Variants in TYMS observed in about 807,000 individuals in gnomAD.
TYMS encodes the protein thymidylate synthetase, also known as thymidylate synthase.
Under a neutral mutation model 39.3 loss-of-function variants are expected in TYMS, and 21 were observed. The ratio of observed to expected loss-of-function variants is 0.54; its 90% CI spans 0.38 to 0.77. The LOEUF is 0.77. Among genes scored for constraint, TYMS ranks in the 30% least tolerant of loss-of-function variants. TYMS has a pLI of 0.00. For missense variants in TYMS, 273 were observed against 406.7 expected (o/e 0.67, Z 2.83); for synonymous variants, 171 against 162.2 (o/e 1.05, Z -0.41).
chr18:658,436 T>A lies in TYMS; in HGVS notation c.205+489T>A. 1 of 902,290 alleles carries A rather than the reference T, an allele frequency of 1.1e-6. No homozygotes were observed. The allele number at this position is 902,290 out of a possible 1,614,324, so 55.9% of individuals were successfully genotyped here. A position where few individuals can be genotyped will look rare whatever the true frequency, so the allele number is the denominator to read the frequency against. Reference sequence around the variant, plus strand: ...AAAGGCGGCGGGAAGAGGAGAGCACTGAAGCTGGCGCGGGAACTTGGTTTC... The same window carrying A: ...AAAGGCGGCGGGAAGAGGAGAGCACAGAAGCTGGCGCGGGAACTTGGTTTC... On this transcript the variant is annotated intron_variant, in intron 1 of 6. Coordinates refer to ENST00000323274, the MANE Select transcript of TYMS (RefSeq NM_001071.4). This position sits in a 1 kb window ranked among gnomAD's most constrained non-coding sequence, Gnocchi z 4.5.
Position 672,852 on chromosome 18 carries a change from G to A in TYMS, c.805-8G>A. 1 of 1,555,206 alleles carries A rather than the reference G, an allele frequency of 6.4e-7. No individual in the cohort carries two copies. The highest frequency in any genetic ancestry group is 1.4e-5 in the African/African-American group (1 of 73,966). On this transcript the variant is annotated splice_region_variant and splice_polypyrimidine_tract_variant and intron_variant, in intron 6 of 6. Transcript: ENST00000323274. ...TATGGCAAAATAATGGCCTTATTTT[G>A]TTTTTAGCTTCAGCGAGAACCCAGA...
At chr18:667,937 T>C (rs1359481275) in intron 3 of TYMS, among the ~76,000 whole-genome samples, 5 of 151,762 alleles carry the variant, frequency 3.3e-5, no homozygotes, top group South Asian at 2.1e-4. Flanking sequence ...TGTTGGATTT[T>C]AGTAGGAAAG....
chr18:658,354 G>T lies in TYMS; in HGVS notation c.205+407G>T, dbSNP rs1321157756. ...GGCCCCTCCTCCGTTTTCCCCTGTG[G>T]ACCATTCCGCTTCGCAGCGTTTTCA... On this transcript the variant is annotated intron_variant, in intron 1 of 6. Coordinates refer to ENST00000323274, the MANE Select transcript of TYMS (RefSeq NM_001071.4). The surrounding 1 kb of genome is among the most constrained non-coding windows in gnomAD (Gnocchi z 4.5). 16 of 1,310,452 alleles carry T rather than the reference G, an allele frequency of 1.2e-5. No individual in the cohort carries two copies. Among genetic ancestry groups the T allele is most frequent in the Non-Finnish European group, 1.5e-5 (15 of 1,002,616 alleles). 81.2% of individuals were successfully genotyped at this position (1,310,452 alleles called of 1,614,324 possible). A position where few individuals can be genotyped will look rare whatever the true frequency, so the allele number is the denominator to read the frequency against.
chr18:665,074 A>C (rs995658190), intron 3 of TYMS, among the ~76,000 whole-genome samples: 2 of 152,008 alleles, frequency 1.3e-5, no homozygotes, highest in African/African-American at 4.8e-5. Context: ...TATTGATTGG[A>C]ATAGTTTCAG....
At chr18:671,265 C>T (rs1478181036) in intron 5 of TYMS, 115 bp from the exon 6 acceptor site, 3 of 786,376 alleles carry the variant, frequency 3.8e-6, no homozygotes, top group Non-Finnish European at 6.6e-6. Flanking sequence ...AAAAGCTACA[C>T]TAAATTATTT....
In TYMS at chr18:669,094, C is replaced by T; in HGVS notation, c.477C>T (p.Asp159=). 6.2e-7 allele frequency: 1 copy of T among 1,614,128 alleles called. No individual in the cohort carries two copies. Residue 159 remains aspartate (D), a synonymous_variant, in exon 4 of 7, where the codon GAC becomes GAT. Transcript: ENST00000323274. The part of the protein sequence containing the change: ...MESDYSGQGV[D]QLQRVIDTIK... The stretch of plus-strand genomic sequence containing the variant: ...CAGATTATTCAGGACAGGGAGTTGA[C>T]CAACTGCAAAGAGTGATTGACACCA...
At chr18:664,572 G>A (rs1468575770) in intron 3 of TYMS, among the ~76,000 whole-genome samples, 1 of 134,082 alleles carries the variant, frequency 7.5e-6, no homozygotes, top group Admixed American at 7.3e-5. Context: ...GGAGTGGTGA[G>A]AGAGGGCATC....
Position 661,429 on chromosome 18 carries a change from T to C in TYMS, c.280-717T>C, listed in dbSNP as rs190191209. On this transcript the variant is annotated intron_variant, in intron 2 of 6. Transcript: ENST00000323274. ...CTGATTAGTCTGATCATTAGGAATA[T>C]CCTGTATGCCAGGTAGAAGATACAT... 5.8e-3 allele frequency among the ~76,000 whole-genome samples: 879 copies of C among 152,354 alleles called. 3 individuals are homozygous for C. Among genetic ancestry groups the C allele is most frequent in the Admixed American group, 9.6e-3 (147 of 15,310 alleles).
chr18:667,604 TGGTGATGGAGATG>T lies in TYMS; in HGVS notation c.455-1459_455-1447del, dbSNP rs1470272430. On this transcript the variant is annotated intron_variant, in intron 3 of 6. Coordinates refer to ENST00000323274, the MANE Select transcript of TYMS (RefSeq NM_001071.4). Reference sequence around the variant, plus strand: ...ATGGTGATGGTGATGGTGATGGTGATGGTGATGGAGATGGGTGATGGTGATGGTTGCCTAACAT... The same window carrying T: ...ATGGTGATGGTGATGGTGATGGTGATGGTGATGGTGATGGTTGCCTAACAT... 2.8e-5 allele frequency: 3 copies of T among 105,296 alleles called. 1 individual carries two copies. Among genetic ancestry groups the T allele is most frequent in the East Asian group, 3.8e-4 (1 of 2,626 alleles). The allele number at this position is 105,296 out of a possible 1,614,324, so 6.5% of individuals were successfully genotyped here. A position where few individuals can be genotyped will look rare whatever the true frequency, so the allele number is the denominator to read the frequency against.
intron 3 of TYMS, among the ~76,000 whole-genome samples, chr18:663,822 G>T (rs1213046502): frequency 1.9e-5 from 2 of 103,410 alleles, no homozygotes; most frequent in African/African-American, 1.1e-4. Flanking sequence ...AGATCAGATA[G>T]TTGTAGATAT....
At chr18:671,213 G>A (rs1050517545) in intron 5 of TYMS, 167 bp from the exon 6 acceptor site, 12 of 638,798 alleles carry the variant, frequency 1.9e-5, no homozygotes, top group Non-Finnish European at 2.8e-5. Flanking sequence ...TTCAATACCA[G>A]CCTGGGCAAC....
intron 3 of TYMS, among the ~76,000 whole-genome samples, chr18:668,062 A>G (rs570099154): frequency 1.4e-5 from 2 of 140,136 alleles, no homozygotes; most frequent in South Asian, 4.6e-4. Flanking sequence ...CCCAGTGATA[A>G]TATCTTGGGT....
At position 673,210 on chromosome 18, in the gene TYMS, G is replaced by T; in HGVS notation, c.*213G>T. The T allele has an allele frequency of 2.3e-6, 1 of 426,692 alleles. No homozygotes were observed. The highest frequency in any genetic ancestry group is 4.1e-6 in the Non-Finnish European group (1 of 244,256). 26.4% of individuals were successfully genotyped at this position (426,692 alleles called of 1,614,324 possible). A position where few individuals can be genotyped will look rare whatever the true frequency, so the allele number is the denominator to read the frequency against. On this transcript the variant is annotated 3_prime_UTR_variant, in exon 7 of 7. Coordinates refer to ENST00000323274, the MANE Select transcript of TYMS (RefSeq NM_001071.4). ...AAAGGCTTTGAGTTAACTCACTGAG[G>T]GTATCTGACAATGCTGAGGTTATGA...
intron 3 of TYMS, among the ~76,000 whole-genome samples, chr18:666,950 GTGATGGA>G (rs2074838182): frequency 3.2e-5 from 1 of 31,350 alleles, no homozygotes. Context: ...GATGGTGATG[GTGATGGA>G]GATGGAGATG....
intron 2 of TYMS, 43 bp from the exon 3 acceptor site, chr18:662,103 G>A (rs1001761): frequency 0.48 from 750,517 of 1,553,636 alleles, 186,891 homozygotes; most frequent in African/African-American, 0.78. Flanking sequence ...AGATGGCTTA[G>A]GATTTACCTG....
At chr18:667,310 TGATGGAGATGGTGATGGTGATGGA>T (rs2074863691) in intron 3 of TYMS, among the ~76,000 whole-genome samples, 1 of 30,384 alleles carries the variant, frequency 3.3e-5, no homozygotes. Context: ...ATGGTGATGG[TGATGGAGATGGTGATGGTGATGGA>T]GATGGTGATG....
chr18:662,896 T>G (rs930910993), intron 3 of TYMS, among the ~76,000 whole-genome samples: 1 of 148,712 alleles, frequency 6.7e-6, no homozygotes, highest in African/African-American at 2.5e-5. Flanking sequence ...TGCCACATTT[T>G]CTTAATCCAG....
At chr18:672,730 T>G (rs751316704) in intron 6 of TYMS, 130 bp from the exon 7 acceptor site, 2 of 1,028,228 alleles carry the variant, frequency 1.9e-6, no homozygotes, top group Non-Finnish European at 2.8e-6. Context: ...CGGCAAGGTA[T>G]CGACAGGATC....
At position 657,783 on chromosome 18, in the gene TYMS, C is replaced by G. The variant is rs1172829435; in HGVS notation, c.41C>G (p.Pro14Arg). The G allele has an allele frequency of 2.1e-6, 3 of 1,451,342 alleles. No individual in the cohort carries two copies. Among genetic ancestry groups the G allele is most frequent in the African/African-American group, 1.5e-5 (1 of 66,770 alleles). 89.9% of individuals were successfully genotyped at this position (1,451,342 alleles called of 1,614,324 possible). A position where few individuals can be genotyped will look rare whatever the true frequency, so the allele number is the denominator to read the frequency against. The stretch of plus-strand genomic sequence containing the variant: ...TCGGAGCTGCCGCGCCGGCCCTTGC[C>G]CCCCGCCGCACAGGAGCGGGACGCC... Reference protein sequence around the residue: ...AGSELPRRPLPPAAQERDAEP... With the variant: ...AGSELPRRPLRPAAQERDAEP... Residue 14 changes from proline to arginine, a missense_variant, in exon 1 of 7, where the codon CCC (proline) becomes CGC (arginine). Pro to Arg is a moderately radical substitution (Grantham distance 103). Around this residue, in one of 3 missense-constraint regions of TYMS, gnomAD observed 228 missense variants for 326.1 expected, o/e 0.70. Transcript: ENST00000323274.
Sources: allele counts gnomAD v4.1 joint callset (sites outside exome capture counted in the v4.1 genomes callset), GRCh38; gene constraint gnomAD v4.1.1; regional missense constraint gnomAD v4.1.1; non-coding constraint Gnocchi (gnomAD v3.1); transcripts MANE v1.5; gene names NCBI Gene and HGNC (gene_info 2026-07-23, HGNC 2026-07-21).